BANP: variants seen among roughly 807,000 people sequenced by gnomAD.
BANP encodes BTG3 associated nuclear protein.
A neutral mutation model predicts 68.1 loss-of-function variants in BANP; 11 were observed. The observed-to-expected ratio is 0.16, with a 90% CI of 0.10 to 0.27. The LOEUF is 0.27. Ranked by LOEUF, BANP falls within the 10% of genes least tolerant of loss-of-function variation. The pLI, the probability that BANP is intolerant of heterozygous loss-of-function variation, is 1.00. For synonymous variants in BANP, 329 were observed against 303.2 expected, an observed-to-expected ratio of 1.09 and a Z score of -0.88; for missense variants, 504 against 722.7, an observed-to-expected ratio of 0.70 and a Z score of 3.47.
At chr16:87,951,665 A>G (rs549143184) in intron 1 of BANP, 150 bp downstream of exon 1, 4,538 of 142,182 alleles carry the variant, frequency 0.032, 101 homozygotes, top group Non-Finnish European at 0.049. Flanking sequence ...GGGCCGGGCG[A>G]TCGCCCCCCG....
chr16:88,020,009 T>C (rs1210139483), intron 7 of BANP, among the ~76,000 whole-genome samples: 1 of 152,190 alleles, frequency 6.6e-6, no homozygotes, highest in African/African-American at 2.4e-5. Flanking sequence ...GTGCCCCAGC[T>C]GTCAGACACC....
chr16:87,960,204 C>T (rs903340604), intron 1 of BANP, among the ~76,000 whole-genome samples: 73 of 152,312 alleles, frequency 4.8e-4, no homozygotes, highest in African/African-American at 1.6e-3. Flanking sequence ...AGGGGAGATG[C>T]GAAACACTGG....
At chr16:88,013,047 C>G (rs912210416) in intron 6 of BANP, among the ~76,000 whole-genome samples, 1 of 152,200 alleles carries the variant, frequency 6.6e-6, no homozygotes, top group Non-Finnish European at 1.5e-5. Context: ...GAAAAGGCAT[C>G]ATTTAAACTC....
At chr16:88,025,843 G>T (rs1485201618) in intron 7 of BANP, among the ~76,000 whole-genome samples, 1 of 152,196 alleles carries the variant, frequency 6.6e-6, no homozygotes, top group African/African-American at 2.4e-5. Flanking sequence ...ACACTTTTCA[G>T]CTTAATCTTT....
At chr16:88,024,690 C>T (rs758899321) in intron 7 of BANP, among the ~76,000 whole-genome samples, 2 of 152,258 alleles carry the variant, frequency 1.3e-5, no homozygotes, top group Non-Finnish European at 2.9e-5. Flanking sequence ...ACTTGGGCGG[C>T]TGGTCCGTTC....
chr16:87,961,580 A>T (rs1358787207), intron 1 of BANP, among the ~76,000 whole-genome samples: 1 of 152,232 alleles, frequency 6.6e-6, no homozygotes, highest in East Asian at 1.9e-4. Context: ...AGAAATTTGT[A>T]AAAATGTAAA....
chr16:88,044,479 C>T (rs1344110713), intron 11 of BANP, among the ~76,000 whole-genome samples: 5 of 152,236 alleles, frequency 3.3e-5, no homozygotes, highest in Non-Finnish European at 7.3e-5. Context: ...GTTTTCTGTT[C>T]TGCTTTTCTG....
At chr16:88,053,807 C>T (rs536724340) in intron 11 of BANP, among the ~76,000 whole-genome samples, 9 of 149,684 alleles carry the variant, frequency 6.0e-5, no homozygotes, top group Non-Finnish European at 1.3e-4. Context: ...ACCACCTCTA[C>T]TATCTCCATC....
Position 88,018,305 on chromosome 16 carries a change from A to C in BANP, c.656-123A>C. 1 of 1,261,394 alleles carries C rather than the reference A, an allele frequency of 7.9e-7. No individual in the cohort carries two copies. Among genetic ancestry groups the C allele is most frequent in the South Asian group, 1.4e-5 (1 of 69,970 alleles). The allele number at this position is 1,261,394 out of a possible 1,614,324, so 78.1% of individuals were successfully genotyped here. ...CTTGGTGACTGCCTCACAAGTTACG[A>C]GGGATTTGCCCAGCCCTGCGTGGAG... On this transcript the variant is annotated intron_variant, in intron 6 of 13. Coordinates refer to ENST00000682872, the MANE Select transcript of BANP (RefSeq NM_001386991.1). The surrounding 1 kb of genome is among the most constrained non-coding windows in gnomAD (Gnocchi z 7.7).
chr16:88,066,396 T>TGCC (rs2088620348), intron 12 of BANP, among the ~76,000 whole-genome samples: 1 of 152,216 alleles, frequency 6.6e-6, no homozygotes, highest in African/African-American at 2.4e-5. Flanking sequence ...GCGCTGCTGC[T>TGCC]GCCTTATGGA....
At chr16:88,048,557 G>A (rs773644979) in intron 11 of BANP, among the ~76,000 whole-genome samples, 7 of 151,648 alleles carry the variant, frequency 4.6e-5, no homozygotes. Flanking sequence ...GTATCGAATC[G>A]GCGCTCACCA....
At chr16:87,961,441 C>T (rs374024453) in intron 1 of BANP, among the ~76,000 whole-genome samples, 2 of 140,544 alleles carry the variant, frequency 1.4e-5, no homozygotes, top group Admixed American at 7.8e-5. Context: ...GCTGGGATTA[C>T]GGGCGTGAGC....
chr16:87,978,835 A>G, intron 2 of BANP: 1 of 327,340 alleles, frequency 3.1e-6, no homozygotes, highest in South Asian at 2.3e-5. Context: ...AGCTGCCCCC[A>G]TCACACAGCA....
intron 11 of BANP, among the ~76,000 whole-genome samples, chr16:88,039,860 C>T (rs1217783072): frequency 2.6e-5 from 4 of 152,146 alleles, no homozygotes; most frequent in Non-Finnish European, 4.4e-5. Flanking sequence ...CAAGCAGGGT[C>T]GCAACTGCTG....
chr16:88,017,820 A>C (rs568515049), intron 6 of BANP, among the ~76,000 whole-genome samples: 2 of 152,350 alleles, frequency 1.3e-5, no homozygotes, highest in East Asian at 3.9e-4. Flanking sequence ...AACGTGGCGC[A>C]TTCCCACACC....
rs1322802081 is a variant in BANP, at chr16:88,035,224, G to A, written c.1201-99G>A. ...CAGGATTTAGTTATCTTTTTGAATT[G>A]TAAACAGATAATCAAGAACAAACAT... On this transcript the variant is annotated intron_variant, in intron 9 of 13. Coordinates refer to ENST00000682872, the MANE Select transcript of BANP (RefSeq NM_001386991.1). 9 of 1,122,248 alleles carry A rather than the reference G, an allele frequency of 8.0e-6. No individual in the cohort carries two copies. The Admixed American group carries it at 1.7e-4, about 21-fold the overall frequency. 69.5% of individuals were successfully genotyped at this position (1,122,248 alleles called of 1,614,324 possible).
chr16:87,961,625 G>A (rs1217729842), intron 1 of BANP, among the ~76,000 whole-genome samples: 1 of 152,192 alleles, frequency 6.6e-6, no homozygotes, highest in Admixed American at 6.5e-5. Flanking sequence ...AGGTTTTGTT[G>A]TTCTTTGGAA....
intron 1 of BANP, chr16:87,963,448 T>C (rs1391335861): frequency 6.6e-6 from 1 of 152,254 alleles, no homozygotes; most frequent in African/African-American, 2.4e-5. Context: ...TGCATCTTTT[T>C]AGACTGGCCG....
rs151166866 is a variant in BANP at position 87,984,108 on chromosome 16, A to G, written c.211A>G (p.Ile71Val). 4.3e-5 allele frequency: 70 copies of G among 1,613,768 alleles called. No individual in the cohort carries two copies. The highest frequency in any genetic ancestry group is 5.7e-5 in the Non-Finnish European group (67 of 1,179,910). The change falls in exon 4 of 14, where the codon ATT becomes GTT. Residue 71 changes from isoleucine to valine, a missense_variant. Around this residue, in one of 3 missense-constraint regions of BANP, gnomAD observed 238 missense variants for 278.9 expected, o/e 0.85. Transcript: ENST00000682872. ...GACAATCTGCTTGCGGTTGGATAGC[A>G]TTGAAGCCAAATTGCAAGCCCTGGA... is the stretch of plus-strand genomic sequence containing the variant. ...NQTICLRLDS[I>V]EAKLQALEAT...
Sources: allele counts gnomAD v4.1 joint callset (sites outside exome capture counted in the v4.1 genomes callset), GRCh38; gene constraint gnomAD v4.1.1; regional missense constraint gnomAD v4.1.1; non-coding constraint Gnocchi (gnomAD v3.1); transcripts MANE v1.5; gene names NCBI Gene and HGNC (gene_info 2026-07-23, HGNC 2026-07-21).